The following ERBB4 variants were observed in gnomAD, a reference collection of about 807,000 sequenced individuals.
The protein encoded by ERBB4 is receptor tyrosine-protein kinase erbB-4.
In ERBB4, 42 loss-of-function variants were observed where a neutral mutation model predicts 158.0. The ratio of observed to expected loss-of-function variants is 0.27; its 90% CI spans 0.21 to 0.34. The LOEUF is 0.34. ERBB4 is among the 10% of genes least tolerant of loss of function. The pLI is 1.00. For synonymous variants in ERBB4, 583 were observed against 558.7 expected (o/e 1.04, Z -0.61); for missense variants, 1,333 against 1,624.1 (o/e 0.82, Z 3.08).
At chr2:212,194,165 TC>T (rs1165529245) in intron 1 of ERBB4, among the ~76,000 whole-genome samples, 2 of 152,014 alleles carry the variant, frequency 1.3e-5, no homozygotes, top group African/African-American at 4.8e-5. Flanking sequence ...TGAAGATTTA[TC>T]AGCACATATC....
chr2:211,762,655 C>T (rs972736117), intron 4 of ERBB4, among the ~76,000 whole-genome samples: 1 of 152,184 alleles, frequency 6.6e-6, no homozygotes, highest in African/African-American at 2.4e-5. Flanking sequence ...GGAACTGTAA[C>T]CACCCACGTG....
chr2:211,502,140 C>G (rs191263960), intron 20 of ERBB4, among the ~76,000 whole-genome samples: 2 of 152,206 alleles, frequency 1.3e-5, no homozygotes, highest in East Asian at 3.9e-4. Flanking sequence ...ACAGTGTAGT[C>G]ACTTTAATGT....
rs35705373 is a variant in ERBB4 at position 211,442,627 on chromosome 2, T to TAC, written c.2488-11529_2488-11528dup. The stretch of plus-strand genomic sequence containing the variant: ...CAAAGCCAAAATATATATGTGTGTA[T>TAC]ACACACACACACACGTATATATGTG... On this transcript the variant is annotated intron_variant, in intron 20 of 27. Coordinates refer to ENST00000342788, the MANE Select transcript of ERBB4 (RefSeq NM_005235.3). Among the ~76,000 whole-genome samples the TAC allele has an allele frequency of 2.1e-3, 323 of 151,330 alleles. 2 individuals are homozygous for TAC. The highest frequency in any genetic ancestry group is 7.3e-3 in the African/African-American group (303 of 41,328).
intron 1 of ERBB4, among the ~76,000 whole-genome samples, chr2:212,340,331 T>A (rs944576912): frequency 6.6e-6 from 1 of 152,152 alleles, no homozygotes; most frequent in Non-Finnish European, 1.5e-5. Flanking sequence ...ACAGACAGAA[T>A]AGGGAAGATG....
At chr2:211,843,946 G>T (rs893972631) in intron 3 of ERBB4, among the ~76,000 whole-genome samples, 4 of 152,066 alleles carry the variant, frequency 2.6e-5, no homozygotes, top group Non-Finnish European at 5.9e-5. Flanking sequence ...GGGGTCAAAT[G>T]AATTGCCAAC....
chr2:212,233,171 G>T (rs2083727408), intron 1 of ERBB4, among the ~76,000 whole-genome samples: 1 of 152,066 alleles, frequency 6.6e-6, no homozygotes, highest in African/African-American at 2.4e-5. Context: ...ATGATATAAT[G>T]ACCATGCTTT....
At chr2:212,290,925 G>C (rs1373132219) in intron 1 of ERBB4, among the ~76,000 whole-genome samples, 1 of 152,118 alleles carries the variant, frequency 6.6e-6, no homozygotes, top group Non-Finnish European at 1.5e-5. Context: ...CAGCCACAAT[G>C]ATTGTGAGTG....
chr2:212,526,202 GA>G (rs1239572635), intron 1 of ERBB4, among the ~76,000 whole-genome samples: 1 of 151,984 alleles, frequency 6.6e-6, no homozygotes, highest in African/African-American at 2.4e-5. Context: ...CAGTTTGTAG[GA>G]GTGAAATAGC....
chr2:212,507,927 T>A lies in ERBB4; in HGVS notation c.82+30522A>T, dbSNP rs578149199. On this transcript the variant is annotated intron_variant, in intron 1 of 27. Coordinates refer to ENST00000342788, the MANE Select transcript of ERBB4 (RefSeq NM_005235.3). ...AATGCTACAAAACAGCATCACATGC[T>A]GGAGAGACATTTTTCATGAAAGGAA... Among the ~76,000 whole-genome samples the A allele has an allele frequency of 5.9e-5, 9 of 152,260 alleles. No individual in the cohort carries two copies. The East Asian group carries it at 1.7e-3, about 29-fold the overall frequency.
At chr2:212,143,719 T>C (rs1225041404) in intron 1 of ERBB4, among the ~76,000 whole-genome samples, 2 of 152,126 alleles carry the variant, frequency 1.3e-5, no homozygotes, top group Non-Finnish European at 2.9e-5. Context: ...TTTGTTCCAA[T>C]GGAAGTTAAT....
chr2:211,392,532 T>C lies in ERBB4; in HGVS notation c.3136-4540A>G, dbSNP rs192978848. Among the ~76,000 whole-genome samples, 1,026 of 150,850 alleles carry C rather than the reference T, an allele frequency of 6.8e-3. 13 individuals carry two copies. Among genetic ancestry groups the C allele is most frequent in the South Asian group, 0.019 (93 of 4,774 alleles). On this transcript the variant is annotated intron_variant, in intron 25 of 27. Coordinates refer to ENST00000342788, the MANE Select transcript of ERBB4 (RefSeq NM_005235.3). ...TATTTGGTTTGATTCTGTGGGACTC[T>C]ACTTTTTTGAAAAAACTCTCTTACT...
At chr2:212,379,668 A>G (rs972456479) in intron 1 of ERBB4, among the ~76,000 whole-genome samples, 1 of 151,642 alleles carries the variant, frequency 6.6e-6, no homozygotes. Flanking sequence ...AAAGAAATCA[A>G]GTGGAAATTA....
chr2:212,206,635 C>T (rs1338236635), intron 1 of ERBB4, among the ~76,000 whole-genome samples: 3 of 129,182 alleles, frequency 2.3e-5, no homozygotes, highest in African/African-American at 8.9e-5. Flanking sequence ...TTGCCCAGGC[C>T]AACTGCAGTG....
intron 9 of ERBB4, among the ~76,000 whole-genome samples, chr2:211,707,364 A>C (rs2073487873): frequency 6.6e-6 from 1 of 152,204 alleles, no homozygotes; most frequent in African/African-American, 2.4e-5. Flanking sequence ...TAAAACAGTT[A>C]ACTTCCCTAA....
At chr2:212,387,553 G>A (rs142201490) in intron 1 of ERBB4, among the ~76,000 whole-genome samples, 1 of 151,988 alleles carries the variant, frequency 6.6e-6, no homozygotes, top group African/African-American at 2.4e-5. Flanking sequence ...GAGTAGCTGG[G>A]ATTACGGGCA....
chr2:211,944,242 T>C (rs2080615259), intron 3 of ERBB4, among the ~76,000 whole-genome samples: 1 of 101,076 alleles, frequency 9.9e-6, no homozygotes, highest in Non-Finnish European at 2.2e-5. Flanking sequence ...AAAGAACACT[T>C]AAAGTCTTCA....
chr2:212,092,089 A>C (rs2078796702), intron 2 of ERBB4, among the ~76,000 whole-genome samples: 1 of 152,094 alleles, frequency 6.6e-6, no homozygotes, highest in South Asian at 2.1e-4. Context: ...ACAGGTGGAG[A>C]GTTATTAGCA....
intron 3 of ERBB4, among the ~76,000 whole-genome samples, chr2:211,794,532 C>T (rs1374969747): frequency 6.6e-6 from 1 of 151,852 alleles, no homozygotes; most frequent in African/African-American, 2.4e-5. Context: ...TGATAACATC[C>T]ATAGAACATG....
In ERBB4 at chr2:212,149,275, C is replaced by G. The variant is rs190954303; in HGVS notation, c.83-24372G>C. ...TCATGACATTCCTGTTTATAAGCCT[C>G]CAATTGCTGCCTGGAGTATCACCTT... On this transcript the variant is annotated intron_variant, in intron 1 of 27. Transcript: ENST00000342788. Among the ~76,000 whole-genome samples, 242 of 152,204 alleles carry G rather than the reference C, an allele frequency of 1.6e-3. 1 individual carries two copies. The Middle Eastern group carries it at 0.027, about 17-fold the overall frequency.
Sources: gnomAD v4.1 joint callset for allele counts (sites outside exome capture counted in the v4.1 genomes callset) on GRCh38, gnomAD v4.1.1 for gene constraint, MANE v1.5 for transcripts, NCBI Gene and HGNC (gene_info 2026-07-23, HGNC 2026-07-21) for gene names.